SLIT3: variants seen among roughly 807,000 people sequenced by gnomAD.
SLIT3 encodes the protein slit homolog 3 protein.
SLIT3 carries 68 observed loss-of-function variants against 184.0 expected under a neutral mutation model. That is an observed-to-expected ratio of 0.37 (90% CI 0.30 to 0.45). The LOEUF is 0.45. Ranked by LOEUF, SLIT3 falls within the 20% of genes least tolerant of loss-of-function variation. The pLI is 1.00. For synonymous variants in SLIT3, 831 were observed against 828.6 expected (o/e 1.00, Z -0.05); for missense variants, 1,707 against 2,026.0 (o/e 0.84, Z 3.02).
At chr5:169,027,898 T>C (rs542842462) in intron 4 of SLIT3, among the ~76,000 whole-genome samples, 1 of 152,310 alleles carries the variant, frequency 6.6e-6, no homozygotes, top group East Asian at 1.9e-4. Flanking sequence ...GAAGAGGTGT[T>C]AGAGGACTTG....
intron 20 of SLIT3, among the ~76,000 whole-genome samples, chr5:168,738,122 G>T (rs566905518): frequency 6.6e-6 from 1 of 152,176 alleles, no homozygotes. Flanking sequence ...CATAGACCCC[G>T]GGGGTCCCTG....
intron 6 of SLIT3, among the ~76,000 whole-genome samples, chr5:168,824,291 C>T (rs999806270): frequency 3.9e-5 from 6 of 152,146 alleles, no homozygotes; most frequent in African/African-American, 9.7e-5. Context: ...CTCTTCTTTC[C>T]GGTGCATCTC....
chr5:169,078,084 G>C (rs1299818888), intron 4 of SLIT3, among the ~76,000 whole-genome samples: 1 of 152,044 alleles, frequency 6.6e-6, no homozygotes, highest in African/African-American at 2.4e-5. Context: ...CTGGGGCCTT[G>C]TGTTCATTTT....
chr5:168,685,921 G>A lies in SLIT3; in HGVS notation c.3321C>T (p.Pro1107=). The change falls in exon 31 of 36, where the codon CCC becomes CCT. Residue 1107 remains proline, a synonymous_variant. Coordinates refer to ENST00000519560, the MANE Select transcript of SLIT3 (RefSeq NM_003062.4). ...TCTCPQGFSG[P]FCEHPPPMVL... is the part of the protein sequence containing the mutation. ...CCATGGGTGGGGGGTGTTCACAGAA[G>A]GGTCCACTGGAAGGCAGGAGAGAAT... 1 of 1,608,906 alleles carries A rather than the reference G, an allele frequency of 6.2e-7. No individual in the cohort carries two copies. The highest frequency in any genetic ancestry group is 1.7e-5 in the Admixed American group (1 of 59,504).
chr5:169,146,941 A>T (rs1761945293), intron 4 of SLIT3, among the ~76,000 whole-genome samples: 1 of 152,196 alleles, frequency 6.6e-6, no homozygotes, highest in Admixed American at 6.5e-5. Context: ...TAGCATGGAG[A>T]TAGTGATTGT....
intron 4 of SLIT3, among the ~76,000 whole-genome samples, chr5:169,055,848 A>G (rs79068892): frequency 6.6e-6 from 1 of 150,794 alleles, no homozygotes; most frequent in Non-Finnish European, 1.5e-5. Context: ...AAAAAAAAAG[A>G]AAAAAGAAAA....
Position 168,666,217 on chromosome 5 carries a change from G to T in SLIT3, c.*237C>A. 1 of 369,032 alleles carries T rather than the reference G, an allele frequency of 2.7e-6. No individual in the cohort carries two copies. Among genetic ancestry groups the T allele is most frequent in the East Asian group, 4.2e-5 (1 of 23,790 alleles). The allele number at this position is 369,032 out of a possible 1,614,324, so 22.9% of individuals were successfully genotyped here. On this transcript the variant is annotated 3_prime_UTR_variant, in exon 36 of 36. Coordinates refer to ENST00000519560, the MANE Select transcript of SLIT3 (RefSeq NM_003062.4). ...ACTTGGTAAAAATAACTCACTATAT[G>T]GTACATATACGCAGATGGTGTAATA...
At chr5:168,715,004 A>G (rs1275780489) in intron 23 of SLIT3, among the ~76,000 whole-genome samples, 1 of 152,156 alleles carries the variant, frequency 6.6e-6, no homozygotes, top group Non-Finnish European at 1.5e-5. Context: ...CCTAGGTCCT[A>G]CGGTTAATAC....
At chr5:169,027,060 C>A (rs1360991520) in intron 4 of SLIT3, among the ~76,000 whole-genome samples, 1 of 152,168 alleles carries the variant, frequency 6.6e-6, no homozygotes, top group Non-Finnish European at 1.5e-5. Flanking sequence ...CATGGGTAGA[C>A]AGACTTAGGA....
intron 4 of SLIT3, among the ~76,000 whole-genome samples, chr5:169,110,617 A>C (rs1760376722): frequency 6.6e-6 from 1 of 152,170 alleles, no homozygotes; most frequent in African/African-American, 2.4e-5. Context: ...GACCTCATCT[A>C]AACTTGATCA....
chr5:169,025,676 G>A (rs1036305775), intron 4 of SLIT3, among the ~76,000 whole-genome samples: 1 of 152,038 alleles, frequency 6.6e-6, no homozygotes, highest in African/African-American at 2.4e-5. Context: ...ACAGCTCTAG[G>A]GGCCTCCTAG....
intron 4 of SLIT3, among the ~76,000 whole-genome samples, chr5:168,954,285 T>C (rs1238458340): frequency 1.3e-5 from 2 of 152,092 alleles, no homozygotes; most frequent in Non-Finnish European, 2.9e-5. Flanking sequence ...ATGGACACAA[T>C]GTGAGAGGAC....
intron 32 of SLIT3, among the ~76,000 whole-genome samples, chr5:168,675,513 A>G (rs1183493817): frequency 6.6e-6 from 1 of 152,198 alleles, no homozygotes; most frequent in African/African-American, 2.4e-5. Context: ...AAGGGGGATA[A>G]TAACCTCACA....
intron 4 of SLIT3, among the ~76,000 whole-genome samples, chr5:169,059,828 G>C (rs985442746): frequency 2.0e-5 from 3 of 152,224 alleles, no homozygotes; most frequent in Admixed American, 6.5e-5. Flanking sequence ...CTGAATGTTT[G>C]AGTTCCCCTC....
At chr5:168,700,130 G>A (rs1246059949) in intron 27 of SLIT3, among the ~76,000 whole-genome samples, 1 of 152,208 alleles carries the variant, frequency 6.6e-6, no homozygotes, top group African/African-American at 2.4e-5. Context: ...AGCACAGCAC[G>A]GGCACTGGGC....
At chr5:169,102,272 C>G (rs1760048542) in intron 4 of SLIT3, among the ~76,000 whole-genome samples, 1 of 152,186 alleles carries the variant, frequency 6.6e-6, no homozygotes, top group African/African-American at 2.4e-5. Context: ...TTTGAGGCCA[C>G]TGCAGCCAAA....
chr5:168,677,824 C>G (rs1761459885), intron 32 of SLIT3, among the ~76,000 whole-genome samples: 1 of 152,202 alleles, frequency 6.6e-6, no homozygotes. Context: ...AATGATGACT[C>G]CTTGACCTTA....
rs1287873932 is a variant in SLIT3, at chr5:168,722,252, T to C, written c.2483+4A>G. The stretch of plus-strand genomic sequence containing the variant: ...AGTCAAAATCAGCACATTGGGGTAC[T>C]CACAGCACTCGCAGGGACCGCAGCC... On this transcript the variant is annotated splice_donor_region_variant and intron_variant, in intron 23 of 35. Transcript: ENST00000519560. The C allele has an allele frequency of 6.2e-7, 1 of 1,613,500 alleles. No individual in the cohort carries two copies. The highest frequency in any genetic ancestry group is 8.5e-7 in the Non-Finnish European group (1 of 1,179,572).
chr5:168,700,812 GC>G, intron 26 of SLIT3, 133 bp from the exon 27 acceptor site: 1 of 666,814 alleles, frequency 1.5e-6, no homozygotes, highest in Non-Finnish European at 2.7e-6. Context: ...CCTAGGAAAG[GC>G]CTGCTGTGTG....
Sources: allele counts gnomAD v4.1 joint callset (sites outside exome capture counted in the v4.1 genomes callset), GRCh38; gene constraint gnomAD v4.1.1; transcripts MANE v1.5; gene names NCBI Gene and HGNC (gene_info 2026-07-23, HGNC 2026-07-21).